The following GDAP1 variants were observed in gnomAD, a reference collection of about 807,000 sequenced individuals.
GDAP1 encodes the protein ganglioside induced differentiation associated protein 1, also known as ganglioside-induced differentiation-associated protein 1.
Under a neutral mutation model 40.1 loss-of-function variants are expected in GDAP1, and 34 were observed. That is an observed-to-expected ratio of 0.85 (90% CI 0.64 to 1.13). The LOEUF (loss-of-function observed/expected upper bound fraction) is 1.13. Ranked by LOEUF, GDAP1 falls within the 50% of genes most tolerant of loss-of-function variation. The pLI is 0.00. For synonymous variants in GDAP1, 170 were observed against 157.4 expected (o/e 1.08, Z -0.60); for missense variants, 374 against 433.7 (o/e 0.86, Z 1.22).
chr8:74,466,288 G>A (rs979132989), intron 2 of GDAP1, among the ~76,000 whole-genome samples: 3 of 152,116 alleles, frequency 2.0e-5, no homozygotes, highest in African/African-American at 7.2e-5. Context: ...AGGGCCCCAG[G>A]GTTCCTTGGA....
At chr8:74,425,720 C>T (rs1458235592) in intron 2 of GDAP1, among the ~76,000 whole-genome samples, 1 of 152,172 alleles carries the variant, frequency 6.6e-6, no homozygotes, top group Non-Finnish European at 1.5e-5. Context: ...AGAACCTCTA[C>T]TATGTGGAAG....
chr8:74,427,713 G>T (rs1340327301), intron 2 of GDAP1, among the ~76,000 whole-genome samples: 5 of 152,054 alleles, frequency 3.3e-5, no homozygotes, highest in African/African-American at 1.2e-4. Flanking sequence ...CTGTTACTCA[G>T]GCAGTCTGTA....
At chr8:74,425,978 T>C (rs570863371) in intron 2 of GDAP1, among the ~76,000 whole-genome samples, 3 of 152,300 alleles carry the variant, frequency 2.0e-5, no homozygotes, top group South Asian at 2.1e-4. Flanking sequence ...TTCTTCCTCA[T>C]TGGCGACTTT....
chr8:74,351,486 C>T lies in GDAP1; in HGVS notation c.310+20C>T. ...TGGATGGTAATGTTAAGGCTACTTG[C>T]GATTTCTTGGATTTACTTTCAACAC... is the stretch of plus-strand genomic sequence containing the variant. On this transcript the variant is annotated intron_variant, in intron 2 of 5. Coordinates refer to ENST00000220822, the MANE Select transcript of GDAP1 (RefSeq NM_018972.4). 1 of 1,561,668 alleles carries T rather than the reference C, an allele frequency of 6.4e-7. No homozygotes were observed. The highest frequency in any genetic ancestry group is 8.8e-7 in the Non-Finnish European group (1 of 1,132,064).
chr8:74,433,746 T>A (rs182370727), intron 2 of GDAP1, among the ~76,000 whole-genome samples: 2 of 152,316 alleles, frequency 1.3e-5, no homozygotes, highest in East Asian at 3.9e-4. Context: ...CTGGAAGGGA[T>A]GTGCCACATC....
chr8:74,433,205 G>T (rs1806049009), intron 2 of GDAP1, among the ~76,000 whole-genome samples: 1 of 152,054 alleles, frequency 6.6e-6, no homozygotes, highest in African/African-American at 2.4e-5. Flanking sequence ...CTCCCCTCTA[G>T]AATCTCTATC....
At chr8:74,458,913 C>T (rs1353012147) in intron 2 of GDAP1, among the ~76,000 whole-genome samples, 3 of 152,058 alleles carry the variant, frequency 2.0e-5, no homozygotes, top group Non-Finnish European at 2.9e-5. Flanking sequence ...GCCAGCAGCA[C>T]GCTCTTCACT....
chr8:74,357,425 A>G (rs1215705210), intron 2 of GDAP1, among the ~76,000 whole-genome samples: 1 of 152,214 alleles, frequency 6.6e-6, no homozygotes, highest in Non-Finnish European at 1.5e-5. Context: ...TTTACTCAGC[A>G]TTACAGGGAC....
rs941357819 is a variant in GDAP1, at chr8:74,417,316, G to A, written c.165+65995G>A. ...CACAATTGACAGTGAAAGACTGAATGATTTACCCCTCAGATTAGGAATAAG... is the reference window on the plus strand; with the variant it reads ...CACAATTGACAGTGAAAGACTGAATAATTTACCCCTCAGATTAGGAATAAG... On this transcript the variant is annotated intron_variant, in intron 2 of 2. Coordinates refer to the GDAP1 transcript ENST00000523640. Among the ~76,000 whole-genome samples the A allele has an allele frequency of 6.7e-5, 10 of 150,150 alleles. No individual in the cohort carries two copies. In the South Asian group the frequency reaches 1.2e-3, roughly 19 times the overall value.
At chr8:74,380,795 C>G (rs1236288689) in intron 2 of GDAP1, among the ~76,000 whole-genome samples, 1 of 152,118 alleles carries the variant, frequency 6.6e-6, no homozygotes, top group Non-Finnish European at 1.5e-5. Flanking sequence ...ATAATTTTGT[C>G]TAATCAACAT....
chr8:74,428,384 C>G (rs1456953297), intron 2 of GDAP1, among the ~76,000 whole-genome samples: 1 of 152,014 alleles, frequency 6.6e-6, no homozygotes, highest in Non-Finnish European at 1.5e-5. Context: ...CACAGGAGAA[C>G]CAGAGTAACC....
intron 2 of GDAP1, among the ~76,000 whole-genome samples, chr8:74,420,492 G>T (rs957713481): frequency 6.6e-6 from 1 of 152,066 alleles, no homozygotes; most frequent in African/African-American, 2.4e-5. Flanking sequence ...TAAAATGTTG[G>T]TGAGAAATTT....
intron 2 of GDAP1, among the ~76,000 whole-genome samples, chr8:74,356,085 G>T (rs1477279499): frequency 1.3e-5 from 2 of 152,082 alleles, no homozygotes; most frequent in African/African-American, 4.8e-5. Context: ...ATCAAGAAAA[G>T]GCTCTTGTAT....
chr8:74,367,711 T>A (rs529845462), downstream of GDAP1, among the ~76,000 whole-genome samples: 1 of 152,354 alleles, frequency 6.6e-6, no homozygotes, highest in African/African-American at 2.4e-5. Context: ...GGGTAGTAGA[T>A]TCCAAACAAA....
At chr8:74,405,391 T>C (rs895734601) in intron 2 of GDAP1, among the ~76,000 whole-genome samples, 2 of 150,254 alleles carry the variant, frequency 1.3e-5, no homozygotes, top group Non-Finnish European at 2.9e-5. Context: ...GTTTAGGGAA[T>C]AATGACAAGA....
intron 2 of GDAP1, among the ~76,000 whole-genome samples, chr8:74,402,278 C>G (rs1310720599): frequency 2.7e-5 from 4 of 150,522 alleles, no homozygotes; most frequent in African/African-American, 1.0e-4. Flanking sequence ...CTCCCCCAGC[C>G]TCGCTGCCAC....
intron 2 of GDAP1, 145 bp downstream of exon 2, chr8:74,351,611 C>A: frequency 1.3e-6 from 1 of 757,584 alleles, no homozygotes; most frequent in South Asian, 1.4e-5. Flanking sequence ...TTTCCATAAG[C>A]ACACAAATAT....
chr8:74,364,320 C>T lies in GDAP1; in HGVS notation c.1030C>T (p.Leu344Phe). 1.2e-6 allele frequency: 2 copies of T among 1,613,984 alleles called. No individual in the cohort carries two copies. Among genetic ancestry groups the T allele is most frequent in the Non-Finnish European group, 1.7e-6 (2 of 1,179,898 alleles). The stretch of plus-strand genomic sequence containing the variant: ...TGCTTTTATGCTTTTCAGAAAGAGG[C>T]TTGGCAGCATGATATTAGCATTTAG... ...YFAFMLFRKR[L>F]GSMILAFRPR... is the part of the protein sequence containing the mutation. Residue 344 changes from leucine (L) to phenylalanine (F), a missense_variant, in exon 6 of 6, where the codon CTT becomes TTT. By Grantham distance (22) the Leu-to-Phe change is conservative. Transcript: ENST00000220822.
intron 2 of GDAP1, among the ~76,000 whole-genome samples, chr8:74,432,693 T>C (rs1806042877): frequency 1.3e-5 from 2 of 152,186 alleles, no homozygotes; most frequent in South Asian, 4.1e-4. Flanking sequence ...ATTTAATAGA[T>C]GGACTCGCCA....
Sources: allele counts gnomAD v4.1 joint callset (sites outside exome capture counted in the v4.1 genomes callset), GRCh38; gene constraint gnomAD v4.1.1; transcripts MANE v1.5; gene names NCBI Gene and HGNC (gene_info 2026-07-23, HGNC 2026-07-21).